The following PRKCQ variants were observed in gnomAD, a reference collection of about 807,000 sequenced individuals.
PRKCQ encodes protein kinase C theta, also known as protein kinase C theta type.
A neutral mutation model predicts 91.2 loss-of-function variants in PRKCQ; 41 were observed. The ratio of observed to expected loss-of-function variants is 0.45; its 90% CI spans 0.35 to 0.58. The LOEUF is 0.58. PRKCQ is among the 20% of genes least tolerant of loss of function. The pLI, the probability that PRKCQ is intolerant of heterozygous loss-of-function variation, is 0.00. For missense variants in PRKCQ, 673 were observed against 896.5 expected (o/e 0.75, Z 3.18); for synonymous variants, 307 against 316.9 (o/e 0.97, Z 0.33).
intron 1 of PRKCQ, among the ~76,000 whole-genome samples, chr10:6,573,779 C>A (rs543643581): frequency 9.2e-5 from 14 of 152,086 alleles, no homozygotes; most frequent in African/African-American, 1.5e-4. Context: ...AAAGAAAAAC[C>A]CAAAAGATGT....
chr10:6,419,028 A>G, the PRKCQ span, among the ~76,000 whole-genome samples: 7 of 142,188 alleles, frequency 4.9e-5, no homozygotes, highest in Non-Finnish European at 1.6e-5. Context: ...TCTATCATCT[A>G]TCTACCTATC....
intron 1 of PRKCQ, among the ~76,000 whole-genome samples, chr10:6,565,246 C>T (rs76623669): frequency 6.6e-5 from 10 of 152,084 alleles, no homozygotes; most frequent in African/African-American, 2.4e-4. Flanking sequence ...ATATTTAGAC[C>T]CATAGGTCTA....
intron 9 of PRKCQ, among the ~76,000 whole-genome samples, 170 bp from the exon 10 acceptor site, chr10:6,485,439 T>C (rs192608609): frequency 1.3e-4 from 20 of 152,354 alleles, no homozygotes; most frequent in Admixed American, 1.1e-3. Context: ...GGAGAGTCTA[T>C]CTACTGTATT....
At chr10:6,413,195 G>T in the PRKCQ span, among the ~76,000 whole-genome samples, 1 of 152,092 alleles carries the variant, frequency 6.6e-6, no homozygotes, top group African/African-American at 2.4e-5. Context: ...CTTGTGATCA[G>T]CCCGCCTAGG....
chr10:6,525,283 A>C (rs969964625), intron 1 of PRKCQ, among the ~76,000 whole-genome samples: 1 of 152,086 alleles, frequency 6.6e-6, no homozygotes, highest in South Asian at 2.1e-4. Context: ...AAAGTAATGG[A>C]AATTTAAAAA....
downstream of PRKCQ, among the ~76,000 whole-genome samples, chr10:6,425,734 CATTT>C (rs1472892664): frequency 6.6e-6 from 1 of 152,028 alleles, no homozygotes; most frequent in African/African-American, 2.4e-5. Flanking sequence ...GCAGGGGGAT[CATTT>C]GAGTCCAGGA....
intron 1 of PRKCQ, among the ~76,000 whole-genome samples, chr10:6,539,937 T>C (rs964658265): frequency 6.6e-6 from 1 of 152,240 alleles, no homozygotes; most frequent in African/African-American, 2.4e-5. Context: ...ATTTCTTCCA[T>C]TGGTCCTGAT....
intron 1 of PRKCQ, among the ~76,000 whole-genome samples, chr10:6,517,906 A>G (rs552957422): frequency 3.3e-5 from 5 of 152,372 alleles, no homozygotes; most frequent in Admixed American, 1.3e-4. Context: ...TACAAAAATC[A>G]TAGTTCCAAC....
intron 12 of PRKCQ, among the ~76,000 whole-genome samples, chr10:6,467,693 G>A (rs1032922089): frequency 6.6e-6 from 1 of 152,118 alleles, no homozygotes; most frequent in Admixed American, 6.5e-5. Context: ...TGAGACTGTC[G>A]CTAATCAGCT....
the PRKCQ span, among the ~76,000 whole-genome samples, chr10:6,406,422 T>C: frequency 0.99 from 150,285 of 152,066 alleles, 74,279 homozygotes; most frequent in East Asian, 1. Context: ...AAATAATGTT[T>C]GCTGAAGTCG....
In PRKCQ at chr10:6,558,065, T is replaced by C. The variant is rs79717642; in HGVS notation, c.-10+22146A>G. ...TCTTTCACGCTGCCTTTTCCACCCC[T>C]ACACGGGCCATGTGAGCTGTCTTTT... is the stretch of plus-strand genomic sequence containing the variant. On this transcript the variant is annotated intron_variant, in intron 1 of 17. Coordinates refer to ENST00000263125, the MANE Select transcript of PRKCQ (RefSeq NM_006257.5). Among the ~76,000 whole-genome samples the C allele has an allele frequency of 7.8e-3, 1,192 of 152,318 alleles. 10 individuals carry two copies. Among genetic ancestry groups the C allele is most frequent in the African/African-American group, 0.027 (1,123 of 41,568 alleles).
chr10:6,465,097 G>A lies in PRKCQ; in HGVS notation c.1354-693C>T, dbSNP rs1835575513. 6.6e-6 allele frequency among the ~76,000 whole-genome samples: 1 copy of A among 152,160 alleles called. No individual in the cohort carries two copies. Among genetic ancestry groups the A allele is most frequent in the Non-Finnish European group, 1.5e-5 (1 of 68,034 alleles). Reference sequence around the variant, plus strand: ...AAGTGACAGGGTGCAGGGTGATAAGGAGAATGTGTTTTGGTCTCTGACTCC... The same window carrying A: ...AAGTGACAGGGTGCAGGGTGATAAGAAGAATGTGTTTTGGTCTCTGACTCC... On this transcript the variant is annotated intron_variant, in intron 12 of 17. Transcript: ENST00000263125. The surrounding 1 kb of genome is among the most constrained non-coding windows in gnomAD (Gnocchi z 4.4).
intron 15 of PRKCQ, among the ~76,000 whole-genome samples, chr10:6,445,651 T>C (rs552051668): frequency 6.6e-6 from 1 of 152,318 alleles, no homozygotes; most frequent in South Asian, 2.1e-4. Context: ...AATTTTGCAA[T>C]GTTACTGATT....
the PRKCQ span, among the ~76,000 whole-genome samples, chr10:6,399,629 G>A: frequency 0.05 from 7,584 of 152,180 alleles, 309 homozygotes; most frequent in East Asian, 0.14. Context: ...TGGAGGAGAG[G>A]AAGTTTGACA....
chr10:6,485,043 G>T, intron 10 of PRKCQ, 109 bp downstream of exon 10: 1 of 916,154 alleles, frequency 1.1e-6, no homozygotes, highest in Non-Finnish European at 1.7e-6. Context: ...GCTGGAGGTG[G>T]ATCACCTATC....
At chr10:6,527,555 C>T (rs922994160) in intron 1 of PRKCQ, among the ~76,000 whole-genome samples, 1 of 152,094 alleles carries the variant, frequency 6.6e-6, no homozygotes, top group Non-Finnish European at 1.5e-5. Flanking sequence ...CTGATGGATA[C>T]GTTTGTAAAA....
At chr10:6,566,669 G>C (rs1840847148) in intron 1 of PRKCQ, among the ~76,000 whole-genome samples, 1 of 151,992 alleles carries the variant, frequency 6.6e-6, no homozygotes, top group African/African-American at 2.4e-5. Flanking sequence ...TAATATCCTT[G>C]TGTGCCAGCG....
At chr10:6,486,166 G>A in intron 8 of PRKCQ, 22 bp from the exon 9 acceptor site, 1 of 1,588,516 alleles carries the variant, frequency 6.3e-7, no homozygotes, top group African/African-American at 1.3e-5. Flanking sequence ...AAGGCAGATA[G>A]TGAGCAAGAG....
At position 6,465,335 on chromosome 10, in the gene PRKCQ, C is replaced by A. The variant is rs934119958; in HGVS notation, c.1354-931G>T. Reference sequence around the variant, plus strand: ...ATGACGGAGTTCTTCTGGCAGAGGACATGATGTATGTCAGTAGAGCTGGGG... The same window carrying A: ...ATGACGGAGTTCTTCTGGCAGAGGAAATGATGTATGTCAGTAGAGCTGGGG... On this transcript the variant is annotated intron_variant, in intron 12 of 17. Transcript: ENST00000263125. This position sits in a 1 kb window ranked among gnomAD's most constrained non-coding sequence, Gnocchi z 4.4. Among the ~76,000 whole-genome samples, 3 of 152,094 alleles carry A rather than the reference C, an allele frequency of 2.0e-5. No homozygotes were observed. The highest frequency in any genetic ancestry group is 2.9e-5 in the Non-Finnish European group (2 of 68,024).
Sources: gnomAD v4.1 joint callset for allele counts (sites outside exome capture counted in the v4.1 genomes callset) on GRCh38, gnomAD v4.1.1 for gene constraint, Gnocchi (gnomAD v3.1) non-coding constraint, MANE v1.5 for transcripts, NCBI Gene and HGNC (gene_info 2026-07-23, HGNC 2026-07-21) for gene names.